CHCHD6: variants seen among roughly 807,000 people sequenced by gnomAD.
The protein encoded by CHCHD6 is coiled-coil-helix-coiled-coil-helix domain containing 6.
Under a neutral mutation model 32.3 loss-of-function variants are expected in CHCHD6, and 28 were observed. The ratio of observed to expected loss-of-function variants is 0.87; its 90% CI spans 0.64 to 1.19. The LOEUF (loss-of-function observed/expected upper bound fraction) is 1.19. Ranked by LOEUF, CHCHD6 falls within the 50% of genes most tolerant of loss-of-function variation. The pLI is 0.00. For missense variants in CHCHD6, 333 were observed against 307.0 expected (o/e 1.08, Z -0.63); for synonymous variants, 122 against 117.5 (o/e 1.04, Z -0.25).
At chr3:126,936,750 T>G (rs2078485362) in intron 6 of CHCHD6, among the ~76,000 whole-genome samples, 1 of 152,150 alleles carries the variant, frequency 6.6e-6, no homozygotes, top group Non-Finnish European at 1.5e-5. Context: ...AGAGACAGTT[T>G]CACCATGTTG....
intron 5 of CHCHD6, among the ~76,000 whole-genome samples, chr3:126,891,264 C>T (rs2077755454): frequency 1.3e-5 from 2 of 152,222 alleles, no homozygotes; most frequent in South Asian, 4.1e-4. Context: ...ACACTTGAGA[C>T]CTGAATGTGG....
intron 5 of CHCHD6, among the ~76,000 whole-genome samples, chr3:126,913,548 C>T (rs2078126384): frequency 1.3e-5 from 2 of 152,128 alleles, no homozygotes; most frequent in Admixed American, 1.3e-4. Flanking sequence ...TGCAAAGGGA[C>T]TGACCTTAAG....
chr3:126,704,261 C>G lies in CHCHD6; in HGVS notation c.-52C>G, dbSNP rs937948353. Reference sequence around the variant, plus strand: ...CTGGAAAGCGTTGTTGGCCCGGTTGCTCTGGAGCCGGGTCTCGGGTCTGGT... The same window carrying G: ...CTGGAAAGCGTTGTTGGCCCGGTTGGTCTGGAGCCGGGTCTCGGGTCTGGT... On this transcript the variant is annotated 5_prime_UTR_variant, in exon 1 of 8. Coordinates refer to ENST00000290913, the MANE Select transcript of CHCHD6 (RefSeq NM_032343.3). 15 of 1,478,726 alleles carry G rather than the reference C, an allele frequency of 1.0e-5. No individual in the cohort carries two copies. Among genetic ancestry groups the G allele is most frequent in the African/African-American group, 5.5e-5 (4 of 72,306 alleles). The allele number at this position is 1,478,726 out of a possible 1,614,324, so 91.6% of individuals were successfully genotyped here. A position where few individuals can be genotyped will look rare whatever the true frequency, so the allele number is the denominator to read the frequency against.
rs1017416235 is a variant in CHCHD6, at chr3:126,740,006, T to C, written c.411+6784T>C. On this transcript the variant is annotated intron_variant, in intron 4 of 7. Transcript: ENST00000290913. ...CCAGAAATGGCCATTCTCCTTCTTT[T>C]GACAGGCTATTAGTGTGGGAGGTTG... 3.3e-5 allele frequency among the ~76,000 whole-genome samples: 5 copies of C among 152,220 alleles called. 1 individual carries two copies. Among genetic ancestry groups the C allele is most frequent in the South Asian group, 2.1e-4 (1 of 4,836 alleles).
At chr3:126,958,358 G>A (rs1311773075) in intron 7 of CHCHD6, among the ~76,000 whole-genome samples, 1 of 152,184 alleles carries the variant, frequency 6.6e-6, no homozygotes, top group African/African-American at 2.4e-5. Flanking sequence ...GCCTGTTTGT[G>A]AAAATGTATG....
chr3:126,851,370 G>C (rs1941469358), intron 4 of CHCHD6, among the ~76,000 whole-genome samples: 1 of 152,214 alleles, frequency 6.6e-6, no homozygotes, highest in African/African-American at 2.4e-5. Context: ...ATACCATAGA[G>C]TGGCTTAAAA....
intron 5 of CHCHD6, among the ~76,000 whole-genome samples, chr3:126,905,356 T>C (rs2077989832): frequency 6.6e-6 from 1 of 152,122 alleles, no homozygotes; most frequent in Non-Finnish European, 1.5e-5. Flanking sequence ...GATGACCTTG[T>C]TGTTGGGTCT....
intron 4 of CHCHD6, among the ~76,000 whole-genome samples, chr3:126,831,252 C>T (rs578087328): frequency 1.3e-5 from 2 of 152,166 alleles, no homozygotes; most frequent in East Asian, 3.9e-4. Flanking sequence ...GTCTCGATCT[C>T]CTGACCTCTT....
At chr3:126,913,495 A>C (rs968241398) in intron 5 of CHCHD6, among the ~76,000 whole-genome samples, 1 of 152,000 alleles carries the variant, frequency 6.6e-6, no homozygotes, top group African/African-American at 2.4e-5. Flanking sequence ...TCAGCCTCCC[A>C]AAGTGCCCAT....
chr3:126,763,180 C>T (rs1475921916), intron 4 of CHCHD6, among the ~76,000 whole-genome samples: 1 of 152,080 alleles, frequency 6.6e-6, no homozygotes, highest in Non-Finnish European at 1.5e-5. Flanking sequence ...CCTTTCCTTT[C>T]CTTTCTGCTT....
rs1940413788 is a variant in CHCHD6 at position 126,826,809 on chromosome 3, A to G, written c.412-25838A>G. Among the ~76,000 whole-genome samples, 3 of 152,136 alleles carry G rather than the reference A, an allele frequency of 2.0e-5. No homozygotes were observed. The South Asian group carries it at 6.2e-4, about 32-fold the overall frequency. On this transcript the variant is annotated intron_variant, in intron 4 of 7. Transcript: ENST00000290913. ...AGGCCTCCTTTTTGGCATGACCCCG[A>G]GCTTCAACATCCACAGTGTGGCCAA...
intron 5 of CHCHD6, among the ~76,000 whole-genome samples, chr3:126,857,822 G>C (rs1489783913): frequency 6.6e-6 from 1 of 152,230 alleles, no homozygotes; most frequent in Admixed American, 6.5e-5. Context: ...GCAAGGATGT[G>C]GTTTAACCTA....
chr3:126,704,502 C>T (rs1417429047), intron 1 of CHCHD6, 103 bp downstream of exon 1: 2 of 713,516 alleles, frequency 2.8e-6, no homozygotes, highest in Non-Finnish European at 4.1e-6. Flanking sequence ...GCGTGAGGGG[C>T]GTGGGGCTTG....
At chr3:126,766,849 C>G (rs1164057067) in intron 4 of CHCHD6, 13 of 963,466 alleles carry the variant, frequency 1.3e-5, no homozygotes, top group Non-Finnish European at 2.2e-5. Flanking sequence ...CACCCGATGT[C>G]CAGGGAAGTC....
At chr3:126,817,528 C>G (rs1475015736) in intron 4 of CHCHD6, among the ~76,000 whole-genome samples, 2 of 152,276 alleles carry the variant, frequency 1.3e-5, no homozygotes, top group East Asian at 3.9e-4. Context: ...CTGATGTGGC[C>G]CTGGCCTTTG....
chr3:126,841,586 A>T (rs761759418), intron 4 of CHCHD6, among the ~76,000 whole-genome samples: 1 of 152,080 alleles, frequency 6.6e-6, no homozygotes, highest in Non-Finnish European at 1.5e-5. Flanking sequence ...TTCCATAAGC[A>T]TGATCTAGTG....
chr3:126,713,799 A>G (rs1934872631), intron 1 of CHCHD6, among the ~76,000 whole-genome samples: 1 of 152,198 alleles, frequency 6.6e-6, no homozygotes, highest in Admixed American at 6.5e-5. Flanking sequence ...GCCTCAAACT[A>G]TGACTCCAGA....
chr3:126,804,309 C>A (rs1298176352), intron 4 of CHCHD6, among the ~76,000 whole-genome samples: 2 of 152,008 alleles, frequency 1.3e-5, no homozygotes, highest in African/African-American at 2.4e-5. Context: ...AATTGATAGA[C>A]CGCTAGCAAG....
At position 126,859,453 on chromosome 3, in the gene CHCHD6, G is replaced by A. The variant is rs548818769; in HGVS notation, c.495+6723G>A. On this transcript the variant is annotated intron_variant, in intron 5 of 7. Coordinates refer to ENST00000290913, the MANE Select transcript of CHCHD6 (RefSeq NM_032343.3). ...TGAGCCACTACACTTGGAGAAGGTT[G>A]TAAATTTAATTCTAGGCTTGCACGT... Among the ~76,000 whole-genome samples, 7 of 152,344 alleles carry A rather than the reference G, an allele frequency of 4.6e-5. No homozygotes were observed. The South Asian group carries it at 1.4e-3, about 32-fold the overall frequency.
Sources: allele counts gnomAD v4.1 joint callset (sites outside exome capture counted in the v4.1 genomes callset), GRCh38; gene constraint gnomAD v4.1.1; transcripts MANE v1.5; gene names NCBI Gene and HGNC (gene_info 2026-07-23, HGNC 2026-07-21).